The following PGCKA1 variants were observed in gnomAD, a reference collection of about 807,000 sequenced individuals.
The protein encoded by PGCKA1 is PDCD10 and GCKIII kinases-associated protein 1.
At chr4:37,515,881 G>A in the PGCKA1 span, among the ~76,000 whole-genome samples, 1 of 152,340 alleles carries the variant, frequency 6.6e-6, no homozygotes, top group Non-Finnish European at 1.5e-5. Context: ...GGCAATCTCA[G>A]ATGAGTTCAT....
At chr4:37,471,377 A>G in the PGCKA1 span, among the ~76,000 whole-genome samples, 1 of 152,316 alleles carries the variant, frequency 6.6e-6, no homozygotes. Flanking sequence ...ATTAGCTTAC[A>G]GTTTGTTATA....
the PGCKA1 span, among the ~76,000 whole-genome samples, chr4:37,477,681 G>A: frequency 6.6e-6 from 1 of 152,268 alleles, no homozygotes; most frequent in Middle Eastern, 3.4e-3. Flanking sequence ...CCCCATCACA[G>A]ATATGCCAAC....
At chr4:37,573,944 C>T in the PGCKA1 span, among the ~76,000 whole-genome samples, 1 of 152,176 alleles carries the variant, frequency 6.6e-6, no homozygotes, top group Non-Finnish European at 1.5e-5. Context: ...AATTCCAGCA[C>T]CTTGGGAGGC....
At chr4:37,568,935 TTAA>T in the PGCKA1 span, among the ~76,000 whole-genome samples, 1 of 151,890 alleles carries the variant, frequency 6.6e-6, no homozygotes, top group Admixed American at 6.6e-5. Context: ...ACCAAAAAAA[TTAA>T]TAAATAAAAA....
the PGCKA1 span, among the ~76,000 whole-genome samples, chr4:37,542,922 G>A: frequency 6.6e-6 from 1 of 152,072 alleles, no homozygotes; most frequent in African/African-American, 2.4e-5. Flanking sequence ...ATATGGTCTG[G>A]CCCGCAGCAC....
the PGCKA1 span, among the ~76,000 whole-genome samples, chr4:37,463,016 G>T: frequency 2.0e-5 from 3 of 150,986 alleles, no homozygotes; most frequent in Admixed American, 2.0e-4. Flanking sequence ...GACCTGGAAG[G>T]GGTCTTCAGT....
chr4:37,553,898 G>A, the PGCKA1 span, among the ~76,000 whole-genome samples: 2 of 152,182 alleles, frequency 1.3e-5, no homozygotes, highest in African/African-American at 2.4e-5. Flanking sequence ...TAGTCTGATA[G>A]AGGGAACATT....
At chr4:37,461,407 G>A in the PGCKA1 span, among the ~76,000 whole-genome samples, 2 of 151,962 alleles carry the variant, frequency 1.3e-5, no homozygotes, top group Non-Finnish European at 2.9e-5. Context: ...ATTACTTTGG[G>A]CAATATGGCT....
At chr4:37,529,523 T>A in the PGCKA1 span, among the ~76,000 whole-genome samples, 1 of 152,220 alleles carries the variant, frequency 6.6e-6, no homozygotes, top group Non-Finnish European at 1.5e-5. Context: ...TTGGTGTCCC[T>A]AGAATCCAAA....
chr4:37,494,208 G>T, the PGCKA1 span, among the ~76,000 whole-genome samples: 1 of 152,096 alleles, frequency 6.6e-6, no homozygotes, highest in Non-Finnish European at 1.5e-5. Flanking sequence ...ATGGGGGTTT[G>T]TTGTACAGAT....
chr4:37,518,094 T>C, the PGCKA1 span, among the ~76,000 whole-genome samples: 1 of 152,250 alleles, frequency 6.6e-6, no homozygotes, highest in Non-Finnish European at 1.5e-5. Flanking sequence ...TTACTGCATC[T>C]CATTCTTTTA....
At chr4:37,476,138 A>C in the PGCKA1 span, among the ~76,000 whole-genome samples, 1 of 152,144 alleles carries the variant, frequency 6.6e-6, no homozygotes, top group Non-Finnish European at 1.5e-5. Context: ...TATTAGGATA[A>C]TATGATCAAT....
chr4:37,456,243 C>G, the PGCKA1 span, among the ~76,000 whole-genome samples: 1 of 152,164 alleles, frequency 6.6e-6, no homozygotes, highest in Non-Finnish European at 1.5e-5. Flanking sequence ...AACCATTGAG[C>G]CATCCTGTGT....
At chr4:37,559,673 G>A in the PGCKA1 span, among the ~76,000 whole-genome samples, 2 of 152,088 alleles carry the variant, frequency 1.3e-5, no homozygotes, top group Non-Finnish European at 2.9e-5. Flanking sequence ...CCAGGATAAC[G>A]ACTAGTCCTC....
At chr4:37,511,819 C>T in the PGCKA1 span, among the ~76,000 whole-genome samples, 4 of 152,162 alleles carry the variant, frequency 2.6e-5, no homozygotes, top group African/African-American at 9.7e-5. Context: ...CACTTGCAGT[C>T]GTTCTGGCCT....
chr4:37,584,311 T>A, the PGCKA1 span: 1 of 152,042 alleles, frequency 6.6e-6, no homozygotes, highest in African/African-American at 2.4e-5. Flanking sequence ...CAGGGCGAGG[T>A]GAGAGAGGAC....
the PGCKA1 span, among the ~76,000 whole-genome samples, chr4:37,557,662 G>A: frequency 7.9e-5 from 12 of 152,300 alleles, 1 homozygote; most frequent in Admixed American, 3.9e-4. Flanking sequence ...TTTGCAGGGG[G>A]CACAGACATT....
At chr4:37,527,451 A>G in the PGCKA1 span, among the ~76,000 whole-genome samples, 2 of 152,186 alleles carry the variant, frequency 1.3e-5, no homozygotes, top group Admixed American at 6.5e-5. Context: ...TAAGTGCCCT[A>G]TCTAGGTGAA....
chr4:37,582,114 C>T, the PGCKA1 span, among the ~76,000 whole-genome samples: 2 of 152,154 alleles, frequency 1.3e-5, no homozygotes, highest in South Asian at 2.1e-4. Context: ...ATGCTCTCTC[C>T]ACGACATGCA....
Sources: allele counts gnomAD v4.1 joint callset (sites outside exome capture counted in the v4.1 genomes callset), GRCh38; gene constraint gnomAD v4.1.1; transcripts MANE v1.5; gene names NCBI Gene and HGNC (gene_info 2026-07-23, HGNC 2026-07-21).